The following DIAPH2 variants were observed in gnomAD, a reference collection of about 807,000 sequenced individuals.
DIAPH2 encodes protein diaphanous homolog 2.
Under a neutral mutation model 92.7 loss-of-function variants are expected in DIAPH2, and 35 were observed. The observed-to-expected ratio is 0.38, with a 90% confidence interval of 0.29 to 0.50. The LOEUF is 0.50. DIAPH2 is among the 20% of genes least tolerant of loss of function. The pLI is 0.94. For synonymous variants in DIAPH2, 301 were observed against 280.4 expected, an observed-to-expected ratio of 1.07 and a Z score of -0.73; for missense variants, 701 against 819.5, an observed-to-expected ratio of 0.86 and a Z score of 1.77.
chrX:97,178,452 T>C (rs2067511870), intron 22 of DIAPH2, among the ~76,000 whole-genome samples: 1 of 78,985 alleles, frequency 1.3e-5, no homozygotes, highest in Non-Finnish European at 2.5e-5. Context: ...TCTTTTTTTT[T>C]TTTTTTTTTT....
At chrX:96,871,902 G>A (rs2065145982) in intron 4 of DIAPH2, among the ~76,000 whole-genome samples, 2 of 111,860 alleles carry the variant, frequency 1.8e-5, no homozygotes, top group South Asian at 3.8e-4. Context: ...ATACTGTATG[G>A]CAATAAACAG....
chrX:96,774,162 A>C (rs1299454226), intron 4 of DIAPH2, among the ~76,000 whole-genome samples: 1 of 111,785 alleles, frequency 8.9e-6, no homozygotes, highest in East Asian at 2.8e-4. Flanking sequence ...AAGTAGGTAC[A>C]TTGTTTGGGG....
At chrX:97,007,042 C>T (rs2066187847) in intron 17 of DIAPH2, among the ~76,000 whole-genome samples, 2 of 111,780 alleles carry the variant, frequency 1.8e-5, no homozygotes, top group African/African-American at 6.5e-5. Flanking sequence ...AACAAACAAG[C>T]AAAGAGAAAA....
chrX:96,816,320 C>T (rs1371809464), intron 4 of DIAPH2, among the ~76,000 whole-genome samples: 2 of 111,927 alleles, frequency 1.8e-5, no homozygotes, highest in Non-Finnish European at 3.8e-5. Flanking sequence ...GAGATACTGA[C>T]ATAAATTCTT....
intron 23 of DIAPH2, among the ~76,000 whole-genome samples, chrX:97,292,072 ATTTT>A (rs34226875): frequency 2.4e-5 from 2 of 85,027 alleles, no homozygotes; most frequent in Non-Finnish European, 2.3e-5. Context: ...TATAGAAGCA[ATTTT>A]TTTTTTTTTT....
At chrX:97,192,304 AAAAAAAAAAAG>A (rs918214693) in intron 22 of DIAPH2, among the ~76,000 whole-genome samples, 1 of 107,856 alleles carries the variant, frequency 9.3e-6, no homozygotes, top group African/African-American at 3.5e-5. Flanking sequence ...AAAAAAAAAA[AAAAAAAAAAAG>A]AAAAGAAAAG....
intron 13 of DIAPH2, among the ~76,000 whole-genome samples, chrX:96,944,581 T>G (rs1381028284): frequency 8.9e-6 from 1 of 112,054 alleles, no homozygotes; most frequent in Non-Finnish European, 1.9e-5. Context: ...TTTTATAGTC[T>G]CTCTCATTAG....
intron 17 of DIAPH2, among the ~76,000 whole-genome samples, chrX:96,980,941 G>T (rs902747250): frequency 1.0e-5 from 1 of 99,582 alleles, no homozygotes; most frequent in Non-Finnish European, 2.0e-5. Flanking sequence ...TGGGTGGATC[G>T]CATGAGACCA....
intron 7 of DIAPH2, among the ~76,000 whole-genome samples, chrX:96,915,898 T>G (rs901535364): frequency 2.7e-5 from 3 of 111,499 alleles, no homozygotes; most frequent in African/African-American, 9.7e-5. Context: ...TTCACAGCTT[T>G]TGTAGTGCAG....
chrX:97,270,485 G>C (rs1379839786), intron 23 of DIAPH2, among the ~76,000 whole-genome samples: 1 of 111,888 alleles, frequency 8.9e-6, no homozygotes, highest in Non-Finnish European at 1.9e-5. Context: ...AATGAGTCAG[G>C]CTCTAGAGGT....
At chrX:97,052,639 G>A (rs1036713142) in intron 17 of DIAPH2, among the ~76,000 whole-genome samples, 1 of 111,185 alleles carries the variant, frequency 9.0e-6, no homozygotes, top group African/African-American at 3.3e-5. Context: ...TAATGCCTTT[G>A]GGAATGAAGA....
At chrX:96,883,495 C>G (rs2065234103) in intron 5 of DIAPH2, among the ~76,000 whole-genome samples, 1 of 109,146 alleles carries the variant, frequency 9.2e-6, no homozygotes, top group African/African-American at 3.3e-5. Context: ...ATTCTCCTGC[C>G]TCAGCCTCCC....
intron 9 of DIAPH2, among the ~76,000 whole-genome samples, chrX:96,925,252 A>G (rs768652589): frequency 1.4e-4 from 16 of 110,823 alleles, no homozygotes; most frequent in Non-Finnish European, 2.6e-4. Context: ...TTCCTTTTAA[A>G]AAAAATCCTT....
intron 5 of DIAPH2, among the ~76,000 whole-genome samples, chrX:96,897,297 C>T (rs2065351654): frequency 9.0e-6 from 1 of 110,999 alleles, no homozygotes; most frequent in Admixed American, 9.7e-5. Flanking sequence ...ATTCATTGTA[C>T]CCAATATGTA....
chrX:96,689,603 C>T (rs1360799124), intron 1 of DIAPH2, among the ~76,000 whole-genome samples: 1 of 110,131 alleles, frequency 9.1e-6, no homozygotes, highest in Non-Finnish European at 1.9e-5. Context: ...CCTGAACATC[C>T]CCACCAAATC....
chrX:96,733,327 G>C (rs2064067330), intron 1 of DIAPH2, among the ~76,000 whole-genome samples: 1 of 111,725 alleles, frequency 9.0e-6, no homozygotes, highest in African/African-American at 3.3e-5. Flanking sequence ...GCCTCACTGA[G>C]CAAAACCTTG....
At chrX:97,053,930 A>G (rs753551488) in intron 17 of DIAPH2, among the ~76,000 whole-genome samples, 1 of 111,969 alleles carries the variant, frequency 8.9e-6, no homozygotes, top group Non-Finnish European at 1.9e-5. Context: ...GATCACCCAC[A>G]GTGGCTCTGC....
chrX:97,035,824 C>T (rs1159443138), intron 17 of DIAPH2, among the ~76,000 whole-genome samples: 1 of 110,132 alleles, frequency 9.1e-6, no homozygotes, highest in African/African-American at 3.3e-5. Context: ...GCCTGGGTTA[C>T]ATGGTGAGAC....
intron 17 of DIAPH2, among the ~76,000 whole-genome samples, chrX:97,005,843 A>T (rs1297997529): frequency 9.4e-6 from 1 of 106,450 alleles, no homozygotes; most frequent in Non-Finnish European, 1.9e-5. Context: ...CCAATCACTG[A>T]TTTTAGTGGT....
Sources: allele counts gnomAD v4.1 joint callset (sites outside exome capture counted in the v4.1 genomes callset), GRCh38; gene constraint gnomAD v4.1.1; transcripts MANE v1.5; gene names NCBI Gene and HGNC (gene_info 2026-07-23, HGNC 2026-07-21).